Variants in KCNH5 observed in about 807,000 individuals in gnomAD.
The protein encoded by KCNH5 is voltage-gated delayed rectifier potassium channel KCNH5.
In KCNH5, 46 loss-of-function variants were observed where a neutral mutation model predicts 96.1. That is an observed-to-expected ratio of 0.48 (90% CI 0.38 to 0.61). The LOEUF (loss-of-function observed/expected upper bound fraction) is 0.61, where lower values mean the gene tolerates loss of function less well. Ranked by LOEUF, KCNH5 falls within the 20% of genes least tolerant of loss-of-function variation. The probability of loss-of-function intolerance (pLI) is 0.00; values close to 1 mark genes in which losing one functional copy is unlikely to be tolerated. For missense variants in KCNH5, 907 were observed against 1,225.8 expected, an observed-to-expected ratio of 0.74 and a Z score of 3.88; for synonymous variants, 439 against 449.8, an observed-to-expected ratio of 0.98 and a Z score of 0.30.
chr14:63,038,000 C>T lies in KCNH5; in HGVS notation c.73+7114G>A, dbSNP rs926967849. Among the ~76,000 whole-genome samples, 36 of 152,228 alleles carry T rather than the reference C, an allele frequency of 2.4e-4. No individual in the cohort carries two copies. The South Asian group carries it at 2.5e-3, about 11-fold the overall frequency. On this transcript the variant is annotated intron_variant, in intron 1 of 10. Coordinates refer to ENST00000322893, the MANE Select transcript of KCNH5 (RefSeq NM_139318.5). ...CAAAAATGGTAGAAAATATTTCAGC[C>T]GCACCTCAATTTGGAATAGGAAGTG...
chr14:62,900,213 G>A (rs1888897513), intron 7 of KCNH5, among the ~76,000 whole-genome samples: 1 of 152,168 alleles, frequency 6.6e-6, no homozygotes, highest in Non-Finnish European at 1.5e-5. Context: ...CAATTAGGAA[G>A]CAAATCCCAG....
chr14:62,965,828 T>A (rs1339342060), intron 6 of KCNH5, among the ~76,000 whole-genome samples: 1 of 152,204 alleles, frequency 6.6e-6, no homozygotes, highest in Non-Finnish European at 1.5e-5. Context: ...TTTGCCATCA[T>A]AGGTAAGATG....
chr14:62,908,732 C>T (rs1052043547), intron 7 of KCNH5, among the ~76,000 whole-genome samples: 3 of 148,748 alleles, frequency 2.0e-5, no homozygotes, highest in Non-Finnish European at 4.4e-5. Context: ...TGCCCAGTGT[C>T]CTCCAGACTT....
intron 10 of KCNH5, among the ~76,000 whole-genome samples, chr14:62,719,735 G>A (rs567956709): frequency 1.1e-3 from 161 of 152,266 alleles, no homozygotes; most frequent in Non-Finnish European, 1.7e-3. Context: ...TATTGTTACA[G>A]GCACATACTC....
rs183200654 is a variant in KCNH5 at position 62,857,008 on chromosome 14, G to T, written c.1370-7156C>A. On this transcript the variant is annotated intron_variant, in intron 7 of 10. Coordinates refer to ENST00000322893, the MANE Select transcript of KCNH5 (RefSeq NM_139318.5). ...ACTGTCAACTAGTAGAATTAGTTAG[G>T]ACACAGCAGGATCACTTTTGGAACT... Among the ~76,000 whole-genome samples, 4 of 152,176 alleles carry T rather than the reference G, an allele frequency of 2.6e-5. No individual in the cohort carries two copies. In the East Asian group the frequency reaches 7.7e-4, roughly 29 times the overall value.
chr14:62,704,613 T>C lies in KCNH5; in HGVS notation c.*2895A>G, dbSNP rs1231185053. ...CTATTAATAACATCATAGAAAAATA[T>C]TGAAGGTGTGTAAATTGCTTTGGAA... On this transcript the variant is annotated 3_prime_UTR_variant, in exon 11 of 11. Transcript: ENST00000322893. 2.0e-5 allele frequency: 3 copies of C among 151,900 alleles called. No homozygotes were observed. The highest frequency in any genetic ancestry group is 2.9e-5 in the Non-Finnish European group (2 of 67,826). 9.4% of individuals were successfully genotyped at this position (151,900 alleles called of 1,614,324 possible).
intron 10 of KCNH5, among the ~76,000 whole-genome samples, chr14:62,730,392 G>A (rs1885024267): frequency 6.6e-6 from 1 of 152,140 alleles, no homozygotes; most frequent in Non-Finnish European, 1.5e-5. Context: ...GATTTCTGTA[G>A]ATATTATTAT....
chr14:62,876,850 T>A (rs1888383702), intron 7 of KCNH5, among the ~76,000 whole-genome samples: 1 of 152,112 alleles, frequency 6.6e-6, no homozygotes, highest in South Asian at 2.1e-4. Context: ...TAAATGGAGG[T>A]AGAACAACAG....
chr14:62,896,917 G>A (rs749610620), intron 7 of KCNH5, among the ~76,000 whole-genome samples: 13 of 152,048 alleles, frequency 8.5e-5, no homozygotes, highest in African/African-American at 1.2e-4. Context: ...GTTAGTTGAG[G>A]GGCACATAAA....
chr14:62,784,055 C>A (rs2139980736), intron 9 of KCNH5, among the ~76,000 whole-genome samples: 1 of 151,726 alleles, frequency 6.6e-6, no homozygotes, highest in African/African-American at 2.4e-5. Context: ...GAAGACATAC[C>A]CAAGACTGGG....
At chr14:62,736,309 A>G (rs1299624459) in intron 10 of KCNH5, among the ~76,000 whole-genome samples, 2 of 152,122 alleles carry the variant, frequency 1.3e-5, no homozygotes, top group African/African-American at 4.8e-5. Flanking sequence ...CTGGCTTCCT[A>G]TCACATTCAG....
chr14:62,705,595 G>A lies in KCNH5; in HGVS notation c.*1913C>T, dbSNP rs746987099. On this transcript the variant is annotated 3_prime_UTR_variant, in exon 11 of 11. Coordinates refer to ENST00000322893, the MANE Select transcript of KCNH5 (RefSeq NM_139318.5). ...CCATTATGGTTAATGGAAGTTATAC[G>A]CATAAAGAAAGGAAAATGGAGCCCA... 1 of 151,936 alleles carries A rather than the reference G, an allele frequency of 6.6e-6. No individual in the cohort carries two copies. The highest frequency in any genetic ancestry group is 2.4e-5 in the African/African-American group (1 of 41,418). The allele number at this position is 151,936 out of a possible 1,614,324, so 9.4% of individuals were successfully genotyped here. A position where few individuals can be genotyped will look rare whatever the true frequency, so the allele number is the denominator to read the frequency against.
intron 4 of KCNH5, among the ~76,000 whole-genome samples, chr14:62,988,101 G>A (rs1890743358): frequency 6.6e-6 from 1 of 151,936 alleles, no homozygotes; most frequent in African/African-American, 2.4e-5. Context: ...TTTTCTTCTG[G>A]GGCCTCAAAT....
intron 8 of KCNH5, among the ~76,000 whole-genome samples, chr14:62,826,659 T>A (rs963552603): frequency 6.6e-6 from 1 of 152,008 alleles, no homozygotes; most frequent in African/African-American, 2.4e-5. Context: ...AAAACTTTTG[T>A]ATTAAAACTT....
intron 10 of KCNH5, among the ~76,000 whole-genome samples, chr14:62,720,869 C>T (rs59427889): frequency 0.073 from 11,047 of 152,200 alleles, 594 homozygotes; most frequent in East Asian, 0.26. Flanking sequence ...ATTACAGATG[C>T]GCGTGCATGC....
At chr14:62,713,560 T>C (rs1432352790) in intron 10 of KCNH5, among the ~76,000 whole-genome samples, 1 of 152,126 alleles carries the variant, frequency 6.6e-6, no homozygotes, top group Non-Finnish European at 1.5e-5. Context: ...GGTAAGAGAG[T>C]ATAGGCACTG....
At chr14:62,954,999 T>G (rs1594643696) in intron 6 of KCNH5, among the ~76,000 whole-genome samples, 7 of 151,698 alleles carry the variant, frequency 4.6e-5, no homozygotes, top group Admixed American at 4.6e-4. Flanking sequence ...CAATTTAAGA[T>G]GAGATTTGGG....
intron 8 of KCNH5, among the ~76,000 whole-genome samples, chr14:62,802,939 C>T (rs964642958): frequency 6.6e-6 from 1 of 152,112 alleles, no homozygotes; most frequent in South Asian, 2.1e-4. Flanking sequence ...CTCAGTAGCT[C>T]GAGACCAGCC....
intron 8 of KCNH5, among the ~76,000 whole-genome samples, chr14:62,826,408 A>ATGTGTGTGTG (rs71451280): frequency 0.02 from 2,903 of 142,050 alleles, 92 homozygotes; most frequent in African/African-American, 0.065. Flanking sequence ...GCGTGCGTGC[A>ATGTGTGTGTG]TGTGTGTGTG....
Sources: gnomAD v4.1 joint callset for allele counts (sites outside exome capture counted in the v4.1 genomes callset) on GRCh38, gnomAD v4.1.1 for gene constraint, MANE v1.5 for transcripts, NCBI Gene and HGNC (gene_info 2026-07-23, HGNC 2026-07-21) for gene names.